Variants in IL1R1 observed in about 807,000 individuals in gnomAD.
IL1R1 encodes interleukin-1 receptor type 1.
IL1R1 carries 22 observed loss-of-function variants against 50.2 expected under a neutral mutation model. The ratio of observed to expected loss-of-function variants is 0.44; its 90% CI spans 0.31 to 0.63. The LOEUF (loss-of-function observed/expected upper bound fraction) is 0.63, where lower values mean the gene tolerates loss of function less well. IL1R1 is among the 20% of genes least tolerant of loss of function. The pLI is 0.07. For synonymous variants in IL1R1, 251 were observed against 236.7 expected (o/e 1.06, Z -0.55); for missense variants, 509 against 676.2 (o/e 0.75, Z 2.74).
chr2:102,131,145 G>A (rs1449923381), intron 1 of IL1R1, among the ~76,000 whole-genome samples: 1 of 152,204 alleles, frequency 6.6e-6, no homozygotes, highest in Non-Finnish European at 1.5e-5. Flanking sequence ...ATAGGGATTT[G>A]TTAGAGGACT....
intron 1 of IL1R1, among the ~76,000 whole-genome samples, chr2:102,148,721 G>A (rs563530693): frequency 6.6e-6 from 1 of 152,354 alleles, no homozygotes; most frequent in East Asian, 1.9e-4. Flanking sequence ...GCTTGTGTGA[G>A]TATGGAGGTC....
intron 1 of IL1R1, among the ~76,000 whole-genome samples, chr2:102,135,517 G>A (rs1474105588): frequency 2.0e-5 from 3 of 152,174 alleles, no homozygotes; most frequent in Non-Finnish European, 1.5e-5. Flanking sequence ...TATTCAAACT[G>A]AGAATCTAAT....
intron 2 of IL1R1, among the ~76,000 whole-genome samples, chr2:102,157,194 G>C (rs940415149): frequency 6.6e-6 from 1 of 151,886 alleles, no homozygotes; most frequent in Non-Finnish European, 1.5e-5. Context: ...AGTTTTTTTG[G>C]GTGCATTTCT....
intron 1 of IL1R1, among the ~76,000 whole-genome samples, chr2:102,095,867 G>T (rs922347916): frequency 1.3e-5 from 2 of 152,060 alleles, no homozygotes; most frequent in Non-Finnish European, 2.9e-5. Flanking sequence ...GCTGGGTGTG[G>T]TGGTACGTGC....
intron 1 of IL1R1, among the ~76,000 whole-genome samples, chr2:102,121,641 A>G (rs1177197311): frequency 6.6e-6 from 1 of 152,172 alleles, no homozygotes; most frequent in East Asian, 1.9e-4. Context: ...GTCTTCCTCC[A>G]TGACTCTTGA....
upstream of IL1R1, among the ~76,000 whole-genome samples, chr2:102,100,528 T>C (rs1680096341): frequency 6.6e-6 from 1 of 152,250 alleles, no homozygotes; most frequent in Non-Finnish European, 1.5e-5. Context: ...GATACTTACA[T>C]GAAATTCTGA....
At chr2:102,172,380 T>C in intron 8 of IL1R1, 1 of 985,288 alleles carries the variant, frequency 1.0e-6, no homozygotes, top group Non-Finnish European at 1.2e-6. Context: ...TCTGCCCCAA[T>C]CTCCTCTTGT....
chr2:102,159,119 T>A (rs1392997922), intron 3 of IL1R1, among the ~76,000 whole-genome samples: 1 of 152,202 alleles, frequency 6.6e-6, no homozygotes, highest in African/African-American at 2.4e-5. Flanking sequence ...CTGGATGTGT[T>A]AAGTTTAGCT....
intron 3 of IL1R1, among the ~76,000 whole-genome samples, 154 bp from the exon 4 acceptor site, chr2:102,164,620 T>C (rs925485990): frequency 1.3e-4 from 20 of 152,124 alleles, no homozygotes; most frequent in African/African-American, 4.6e-4. Flanking sequence ...CTTCTCAGAC[T>C]CCCCAGATAA....
intron 2 of IL1R1, among the ~76,000 whole-genome samples, chr2:102,154,959 CA>C (rs775126295): frequency 1.3e-5 from 2 of 152,184 alleles, no homozygotes; most frequent in Non-Finnish European, 2.9e-5. Context: ...CTGCCCTGGG[CA>C]TGGCTCTTCC....
At chr2:102,086,355 T>C (rs1679428894) in intron 1 of IL1R1, among the ~76,000 whole-genome samples, 1 of 152,214 alleles carries the variant, frequency 6.6e-6, no homozygotes, top group South Asian at 2.1e-4. Flanking sequence ...CGTTTTTCTC[T>C]AGCTGCTCTC....
At chr2:102,136,224 T>C (rs1160831880) in intron 1 of IL1R1, among the ~76,000 whole-genome samples, 1 of 152,042 alleles carries the variant, frequency 6.6e-6, no homozygotes, top group Non-Finnish European at 1.5e-5. Flanking sequence ...AGCACTGCCA[T>C]CCAGGCTCTT....
chr2:102,117,708 G>A (rs1441107449), intron 1 of IL1R1, among the ~76,000 whole-genome samples: 2 of 152,138 alleles, frequency 1.3e-5, no homozygotes, highest in Non-Finnish European at 2.9e-5. Flanking sequence ...TCAGGGAGGT[G>A]TAGTAAGGAT....
intron 1 of IL1R1, among the ~76,000 whole-genome samples, chr2:102,111,368 T>C (rs1680751790): frequency 6.6e-6 from 1 of 152,226 alleles, no homozygotes; most frequent in South Asian, 2.1e-4. Context: ...CAGAACACTG[T>C]ATCTCTTGGC....
At chr2:102,071,923 A>G (rs570376533) in intron 1 of IL1R1, among the ~76,000 whole-genome samples, 3 of 152,210 alleles carry the variant, frequency 2.0e-5, no homozygotes, top group African/African-American at 7.2e-5. Flanking sequence ...GGGCCCTTAG[A>G]ATTGGTCCAT....
chr2:102,093,175 TC>T (rs1035520109), intron 1 of IL1R1, among the ~76,000 whole-genome samples: 21 of 151,856 alleles, frequency 1.4e-4, no homozygotes, highest in African/African-American at 4.8e-4. Flanking sequence ...TGGCCAAAAC[TC>T]CCCAAGGTAG....
upstream of IL1R1, among the ~76,000 whole-genome samples, chr2:102,100,491 GT>G (rs1680094466): frequency 6.6e-6 from 1 of 152,278 alleles, no homozygotes; most frequent in Admixed American, 6.5e-5. Flanking sequence ...CATATTCTTT[GT>G]TTTGCTCACA....
At chr2:102,100,445 G>A (rs1026077142), upstream of IL1R1, among the ~76,000 whole-genome samples, 1 of 152,202 alleles carries the variant, frequency 6.6e-6, no homozygotes, top group Admixed American at 6.5e-5. Flanking sequence ...TTACCATTGA[G>A]TATGGGTGTT....
chr2:102,092,432 G>C (rs13432955), intron 1 of IL1R1, among the ~76,000 whole-genome samples: 30,959 of 151,898 alleles, frequency 0.2, 3,670 homozygotes, highest in East Asian at 0.53. Context: ...GCATTATCCA[G>C]AATATCCTTT....
Sources: allele counts gnomAD v4.1 joint callset (sites outside exome capture counted in the v4.1 genomes callset), GRCh38; gene constraint gnomAD v4.1.1; transcripts MANE v1.5; gene names NCBI Gene and HGNC (gene_info 2026-07-23, HGNC 2026-07-21).